PUSL1: variants seen among roughly 807,000 people sequenced by gnomAD.
PUSL1 encodes tRNA pseudouridine synthase-like 1.
PUSL1 carries 51 observed loss-of-function variants against 30.7 expected under a neutral mutation model. The ratio of observed to expected loss-of-function variants is 1.66; its 90% CI spans 1.33 to 2.10. PUSL1 has a LOEUF of 2.10. Among genes scored for constraint, PUSL1 ranks in the 30% most tolerant of loss-of-function variants. The pLI, the probability that PUSL1 is intolerant of heterozygous loss-of-function variation, is 0.00. For synonymous variants in PUSL1, 290 were observed against 192.1 expected (o/e 1.51, Z -4.21); for missense variants, 609 against 427.6 (o/e 1.42, Z -3.74).
At chr1:1,310,383 G>A (rs540929675) in intron 5 of PUSL1, 147 of 521,958 alleles carry the variant, frequency 2.8e-4, no homozygotes, top group African/African-American at 1.8e-3. Flanking sequence ...AGCCCCTCTG[G>A]GATGGCCAGG....
At chr1:1,309,039 G>A in intron 2 of PUSL1, 47 bp from the exon 3 acceptor site, 1 of 1,392,570 alleles carries the variant, frequency 7.2e-7, no homozygotes, top group Non-Finnish European at 9.2e-7. Context: ...GCGCGTCCCC[G>A]GGGTCCGGCC....
At chr1:1,310,568 G>A (rs746382677) in intron 5 of PUSL1, 66 bp from the exon 6 acceptor site, 83 of 1,282,622 alleles carry the variant, frequency 6.5e-5, no homozygotes, top group Non-Finnish European at 8.0e-5. Flanking sequence ...CCCGTCCAAG[G>A]CCACATAGTA....
Position 1,309,834 on chromosome 1 carries a change from C to A in PUSL1, c.627C>A (p.Val209=). The change falls in exon 5 of 8, where the codon GTC becomes GTA. Residue 209 remains valine, a synonymous_variant. Coordinates refer to ENST00000379031, the MANE Select transcript of PUSL1 (RefSeq NM_153339.3). ...CCCCAGGCCAAGCCAGCCCCTTGGTCACCCCCGAGGAGAGCAGGTGAGGAA... is the reference window on the plus strand; with the variant it reads ...CCCCAGGCCAAGCCAGCCCCTTGGTAACCCCCGAGGAGAGCAGGTGAGGAA... ...SVSPGQASPL[V]TPEESRKLRF... is the part of the protein sequence containing the mutation. 2 of 1,538,846 alleles carry A rather than the reference C, an allele frequency of 1.3e-6. No homozygotes were observed. Among genetic ancestry groups the A allele is most frequent in the South Asian group, 2.4e-5 (2 of 82,922 alleles).
Position 1,309,813 on chromosome 1 carries a change from A to G in PUSL1, c.606A>G (p.Pro202=). The change falls in exon 5 of 8, where the codon CCA becomes CCG. Residue 202 remains proline (P), a synonymous_variant. Coordinates refer to ENST00000379031, the MANE Select transcript of PUSL1 (RefSeq NM_153339.3). Reference sequence around the variant, plus strand: ...CGCTGCGCCGGGTCTCCGTTTCCCCAGGCCAAGCCAGCCCCTTGGTCACCC... The same window carrying G: ...CGCTGCGCCGGGTCTCCGTTTCCCCGGGCCAAGCCAGCCCCTTGGTCACCC... ...VRTLRRVSVS[P]GQASPLVTPE... The G allele has an allele frequency of 1.9e-6, 3 of 1,549,016 alleles. No homozygotes were observed. The highest frequency in any genetic ancestry group is 3.4e-4 in the Middle Eastern group (2 of 5,970).
chr1:1,309,635 G>T, intron 4 of PUSL1, 32 bp downstream of exon 4: 1 of 1,596,852 alleles, frequency 6.3e-7, no homozygotes, highest in Non-Finnish European at 8.6e-7. Context: ...GGGAGGGGGC[G>T]GGCAGGCCGG....
chr1:1,309,547 C>T lies in PUSL1; in HGVS notation c.417C>T (p.His139=), dbSNP rs1641975776. 1 of 1,611,374 alleles carries T rather than the reference C, an allele frequency of 6.2e-7. No homozygotes were observed. Among genetic ancestry groups the T allele is most frequent in the South Asian group, 1.1e-5 (1 of 90,984 alleles). ...TYLYRLATGC[H]RRDELPVFER... The stretch of plus-strand genomic sequence containing the variant: ...TGTACCGCCTGGCCACTGGCTGTCA[C>T]CGGCGTGATGAGCTGCCGGTGTTTG... The change falls in exon 4 of 8, where the codon CAC becomes CAT. Residue 139 remains histidine, a synonymous_variant. Coordinates refer to ENST00000379031, the MANE Select transcript of PUSL1 (RefSeq NM_153339.3).
At position 1,309,835 on chromosome 1, in the gene PUSL1, A is replaced by G; in HGVS notation, c.628A>G (p.Thr210Ala). ...VSPGQASPLV[T>A]PEESRKLRFW... The stretch of plus-strand genomic sequence containing the variant: ...CCCAGGCCAAGCCAGCCCCTTGGTC[A>G]CCCCCGAGGAGAGCAGGTGAGGAAG... The change falls in exon 5 of 8, where the codon ACC becomes GCC. Residue 210 changes from threonine (T) to alanine (A), a missense_variant. Coordinates refer to ENST00000379031, the MANE Select transcript of PUSL1 (RefSeq NM_153339.3). The G allele has an allele frequency of 1.3e-6, 2 of 1,527,856 alleles. No individual in the cohort carries two copies. Among genetic ancestry groups the G allele is most frequent in the Non-Finnish European group, 1.8e-6 (2 of 1,131,968 alleles). 94.6% of individuals were successfully genotyped at this position (1,527,856 alleles called of 1,614,324 possible).
At chr1:1,310,381 T>C (rs904702285) in intron 5 of PUSL1, 3 of 517,640 alleles carry the variant, frequency 5.8e-6, no homozygotes, top group African/African-American at 1.9e-5. Flanking sequence ...CAAGCCCCTC[T>C]GGGATGGCCA....
rs939849926 is a variant in PUSL1 at position 1,310,117 on chromosome 1, G to A, written c.644+266G>A. 1.6e-5 allele frequency: 8 copies of A among 498,268 alleles called. No homozygotes were observed. In the Admixed American group the frequency reaches 1.9e-4, roughly 12 times the overall value. The allele number at this position is 498,268 out of a possible 1,614,324, so 30.9% of individuals were successfully genotyped here. ...TGATGGAAGAATGTTGGCAGCTACT[G>A]GAAAGGTCTCACTGGTGCCAGTGGT... On this transcript the variant is annotated intron_variant, in intron 5 of 7. Transcript: ENST00000379031.
At chr1:1,309,996 C>T (rs1642027460) in intron 5 of PUSL1, 145 bp downstream of exon 5, 1 of 606,168 alleles carries the variant, frequency 1.6e-6, no homozygotes, top group Non-Finnish European at 2.8e-6. Flanking sequence ...AGGGGATTCG[C>T]CCGGACGCCC....
intron 7 of PUSL1, 109 bp downstream of exon 7, chr1:1,311,180 C>A: frequency 1.4e-6 from 2 of 1,451,014 alleles, no homozygotes; most frequent in Non-Finnish European, 9.3e-7. Flanking sequence ...GGGGGTGAAG[C>A]AGCCCCCCGC....
At position 1,309,721 on chromosome 1, in the gene PUSL1, C is replaced by T. The variant is rs932679778; in HGVS notation, c.514C>T (p.Leu172Phe). The change falls in exon 5 of 8, where the codon CTC (leucine) becomes TTC (phenylalanine). Residue 172 changes from leucine (L) to phenylalanine (F), a missense_variant. Transcript: ENST00000379031. ...MVAMQEAAQHLLGTHDFSAFQ... is the reference protein window; with the variant it reads ...MVAMQEAAQHFLGTHDFSAFQ... ...CGCCATGCAGGAAGCCGCCCAGCAC[C>T]TCCTCGGCACACACGACTTCAGCGC... is the stretch of plus-strand genomic sequence containing the variant. The T allele has an allele frequency of 2.5e-6, 4 of 1,597,656 alleles. No individual in the cohort carries two copies. Among genetic ancestry groups the T allele is most frequent in the African/African-American group, 2.7e-5 (2 of 74,650 alleles).
chr1:1,311,241 A>C, intron 7 of PUSL1, 89 bp from the exon 8 acceptor site: 17 of 1,421,342 alleles, frequency 1.2e-5, no homozygotes, highest in Non-Finnish European at 1.6e-5. Flanking sequence ...GGGCTGGCCC[A>C]CTCCCTGGTC....
chr1:1,309,948 G>C, intron 5 of PUSL1, 97 bp downstream of exon 5: 1 of 1,052,582 alleles, frequency 9.5e-7, no homozygotes. Context: ...TGAGGCGGGA[G>C]GCAGGCAGCC....
Position 1,309,866 on chromosome 1 carries a change from C to T in PUSL1, c.644+15C>T, listed in dbSNP as rs1310093347. On this transcript the variant is annotated intron_variant, in intron 5 of 7. Coordinates refer to ENST00000379031, the MANE Select transcript of PUSL1 (RefSeq NM_153339.3). The stretch of plus-strand genomic sequence containing the variant: ...GAGGAGAGCAGGTGAGGAAGGGCCC[C>T]TGGGCTGTGGCCCTGCCCTCAAGTC... The T allele has an allele frequency of 6.1e-6, 9 of 1,484,994 alleles. No individual in the cohort carries two copies. The highest frequency in any genetic ancestry group is 7.2e-6 in the Non-Finnish European group (8 of 1,109,398). The allele number at this position is 1,484,994 out of a possible 1,614,324, so 92.0% of individuals were successfully genotyped here.
rs762194174 is a variant in PUSL1 at position 1,311,636 on chromosome 1, G to C, written c.*257G>C. On this transcript the variant is annotated 3_prime_UTR_variant, in exon 8 of 8. Coordinates refer to ENST00000379031, the MANE Select transcript of PUSL1 (RefSeq NM_153339.3). ...GCTTTTACTGGAAACTGCTGTCTAG[G>C]ACCACCTGCCCTAACCAGGAATAAA... The C allele has an allele frequency of 1.4e-6, 1 of 712,540 alleles. No individual in the cohort carries two copies. Among genetic ancestry groups the C allele is most frequent in the African/African-American group, 1.7e-5 (1 of 57,554 alleles). 44.1% of individuals were successfully genotyped at this position (712,540 alleles called of 1,614,324 possible).
In PUSL1 at chr1:1,309,789, G is replaced by A; in HGVS notation, c.582G>A (p.Thr194=). Reference sequence around the variant, plus strand: ...GCCCGGTGCCGAGCCCCGTGCGAACGCTGCGCCGGGTCTCCGTTTCCCCAG... The same window carrying A: ...GCCCGGTGCCGAGCCCCGTGCGAACACTGCGCCGGGTCTCCGTTTCCCCAG... ...AGSPVPSPVR[T]LRRVSVSPGQ... is the part of the protein sequence containing the mutation. Residue 194 remains threonine, a synonymous_variant, in exon 5 of 8, where the codon ACG becomes ACA. Transcript: ENST00000379031. 1.3e-6 allele frequency: 2 copies of A among 1,558,572 alleles called. No individual in the cohort carries two copies. Among genetic ancestry groups the A allele is most frequent in the Admixed American group, 1.9e-5 (1 of 52,200 alleles).
chr1:1,308,744 G>A, intron 1 of PUSL1, 24 bp downstream of exon 1: 2 of 1,513,376 alleles, frequency 1.3e-6, no homozygotes, highest in Non-Finnish European at 1.8e-6. Flanking sequence ...GCGCAGCGGC[G>A]GGCGCCACGT....
rs1365118430 is a variant in PUSL1, at chr1:1,311,366, G to C, written c.899G>C (p.Gly300Ala). 5 of 1,597,892 alleles carry C rather than the reference G, an allele frequency of 3.1e-6. No individual in the cohort carries two copies. The African/African-American group carries it at 6.7e-5, about 21-fold the overall frequency. The change falls in exon 8 of 8, where the codon GGG becomes GCG. Residue 300 changes from glycine (G) to alanine (A), a missense_variant. By Grantham distance (60) the Gly-to-Ala change is moderately conservative. Transcript: ENST00000379031. Reference sequence around the variant, plus strand: ...TGCACCCTGCAGGGGCCACAGTTCGGGAGCCACGGATGACCCTGGACACTC... The same window carrying C: ...TGCACCCTGCAGGGGCCACAGTTCGCGAGCCACGGATGACCCTGGACACTC... ...ASCTLQGPQF[G>A]SHG is the part of the protein sequence containing the mutation.
Sources: gnomAD v4.1 joint callset for allele counts on GRCh38, gnomAD v4.1.1 for gene constraint, MANE v1.5 for transcripts, NCBI Gene and HGNC (gene_info 2026-07-23, HGNC 2026-07-21) for gene names.